LRRIQ1: variants seen among roughly 807,000 people sequenced by gnomAD.
LRRIQ1 encodes leucine rich repeats and IQ motif containing 1, also known as leucine-rich repeat- and IQ domain-containing protein 1.
In LRRIQ1, 210 loss-of-function variants were observed where a neutral mutation model predicts 211.9. The observed-to-expected ratio is 0.99, with a 90% CI of 0.89 to 1.11. LRRIQ1 has a LOEUF of 1.11. Among genes scored for constraint, LRRIQ1 ranks in the 50% most tolerant of loss-of-function variants. The pLI, the probability that LRRIQ1 is intolerant of heterozygous loss-of-function variation, is 0.00. For synonymous variants in LRRIQ1, 699 were observed against 650.1 expected (o/e 1.08, Z -1.14); for missense variants, 2,136 against 1,939.5 (o/e 1.10, Z -1.90).
intron 26 of LRRIQ1, among the ~76,000 whole-genome samples, chr12:85,234,270 C>T (rs1301339409): frequency 6.6e-6 from 1 of 151,950 alleles, no homozygotes; most frequent in Non-Finnish European, 1.5e-5. Flanking sequence ...TTAATTTTTC[C>T]ATGTTTAAAA....
intron 24 of LRRIQ1, among the ~76,000 whole-genome samples, chr12:85,165,822 T>C (rs1043234524): frequency 6.6e-6 from 1 of 152,150 alleles, no homozygotes; most frequent in African/African-American, 2.4e-5. Context: ...ATGTTCCACA[T>C]TTTCTTTATC....
chr12:85,058,112 T>C (rs1565795460), intron 8 of LRRIQ1, among the ~76,000 whole-genome samples: 2 of 152,052 alleles, frequency 1.3e-5, no homozygotes, highest in Non-Finnish European at 2.9e-5. Context: ...AAATACGTTA[T>C]TATGGATCTT....
At chr12:85,187,712 G>A (rs949136524) in intron 24 of LRRIQ1, among the ~76,000 whole-genome samples, 1 of 151,792 alleles carries the variant, frequency 6.6e-6, no homozygotes. Context: ...GGGAGGCTGA[G>A]GCAGGAGAAT....
At chr12:85,267,628 C>T (rs975739209), downstream of LRRIQ1, among the ~76,000 whole-genome samples, 1 of 151,988 alleles carries the variant, frequency 6.6e-6, no homozygotes, top group Non-Finnish European at 1.5e-5. Flanking sequence ...AAGGGTGAAT[C>T]TCCTTCTCAT....
At position 85,055,604 on chromosome 12, in the gene LRRIQ1, C is replaced by A; in HGVS notation, c.811C>A (p.Gln271Lys). ...AGAAGAAAGAACAAGATTTAAAGAC[C>A]AACAAGAAAAAGAAAAAAATTCTTT... ...MEEERTRFKD[Q>K]QEKEKNSLLK... is the part of the protein sequence containing the mutation. The change falls in exon 8 of 27, where the codon CAA (glutamine) becomes AAA (lysine). Residue 271 changes from glutamine to lysine, a missense_variant. Physicochemically the swap from Gln to Lys is moderately conservative, Grantham distance 53 (BLOSUM62 1). Coordinates refer to ENST00000393217, the MANE Select transcript of LRRIQ1 (RefSeq NM_001079910.2). 1 of 1,564,678 alleles carries A rather than the reference C, an allele frequency of 6.4e-7. No individual in the cohort carries two copies. Among genetic ancestry groups the A allele is most frequent in the Non-Finnish European group, 8.6e-7 (1 of 1,163,744 alleles).
chr12:85,176,924 A>G lies in LRRIQ1; in HGVS notation c.4822+16210A>G, dbSNP rs1292566874. Among the ~76,000 whole-genome samples, 11 of 151,680 alleles carry G rather than the reference A, an allele frequency of 7.3e-5. No homozygotes were observed. In the East Asian group the frequency reaches 1.4e-3, roughly 19 times the overall value. On this transcript the variant is annotated intron_variant, in intron 24 of 26. Transcript: ENST00000393217. ...TTGGATGAGTCTTACATTTCTTTCTATTTTTGCTATCTATACAGCAGTGGC... is the reference window on the plus strand; with the variant it reads ...TTGGATGAGTCTTACATTTCTTTCTGTTTTTGCTATCTATACAGCAGTGGC...
At chr12:85,092,234 G>T (rs188178744) in intron 11 of LRRIQ1, among the ~76,000 whole-genome samples, 3 of 152,184 alleles carry the variant, frequency 2.0e-5, no homozygotes, top group African/African-American at 7.2e-5. Flanking sequence ...TGCATTTGGT[G>T]GCAGGCTTTA....
rs1299394720 is a variant in LRRIQ1 at position 85,153,530 on chromosome 12, C to T, written c.4542-133C>T. Reference sequence around the variant, plus strand: ...TTAAATTAATGGCAGACTTTTATTGCCTTTCAAGATAATGTTTTTTGCTAA... The same window carrying T: ...TTAAATTAATGGCAGACTTTTATTGTCTTTCAAGATAATGTTTTTTGCTAA... On this transcript the variant is annotated intron_variant, in intron 21 of 26. Transcript: ENST00000393217. 1.2e-5 allele frequency: 8 copies of T among 646,028 alleles called. 1 individual carries two copies. Among genetic ancestry groups the T allele is most frequent in the Middle Eastern group, 4.2e-4 (1 of 2,358 alleles). 40.0% of individuals were successfully genotyped at this position (646,028 alleles called of 1,614,324 possible).
At chr12:85,096,874 G>C (rs11116705) in intron 11 of LRRIQ1, among the ~76,000 whole-genome samples, 5 of 152,132 alleles carry the variant, frequency 3.3e-5, no homozygotes, top group African/African-American at 1.2e-4. Context: ...GGGTAATTAT[G>C]TCATCTTGTT....
chr12:85,103,184 AT>A (rs1288571926), intron 13 of LRRIQ1, among the ~76,000 whole-genome samples: 1 of 150,502 alleles, frequency 6.6e-6, no homozygotes, highest in Non-Finnish European at 1.5e-5. Context: ...TAATATCACT[AT>A]TTTTGTTTGA....
intron 24 of LRRIQ1, among the ~76,000 whole-genome samples, chr12:85,188,449 T>G (rs1469459548): frequency 1.3e-5 from 2 of 152,144 alleles, no homozygotes; most frequent in African/African-American, 4.8e-5. Context: ...AACCAGGTGA[T>G]AGGTGGCAAA....
At chr12:85,238,237 T>G (rs1193190653) in intron 26 of LRRIQ1, among the ~76,000 whole-genome samples, 1 of 151,590 alleles carries the variant, frequency 6.6e-6, no homozygotes, top group African/African-American at 2.4e-5. Context: ...AAAAAATAAC[T>G]TAAAAAAAAT....
chr12:85,186,338 C>G (rs1892228353), intron 24 of LRRIQ1, among the ~76,000 whole-genome samples: 1 of 152,114 alleles, frequency 6.6e-6, no homozygotes, highest in African/African-American at 2.4e-5. Context: ...CTATTTAACA[C>G]AATTATTTGC....
chr12:85,193,974 G>A (rs1319600645), intron 24 of LRRIQ1, among the ~76,000 whole-genome samples: 1 of 145,786 alleles, frequency 6.9e-6, no homozygotes, highest in Non-Finnish European at 1.5e-5. Context: ...AAGGATGGAG[G>A]AAGATCTACC....
At chr12:85,140,361 T>C (rs1565863796) in intron 19 of LRRIQ1, among the ~76,000 whole-genome samples, 1 of 149,802 alleles carries the variant, frequency 6.7e-6, no homozygotes, top group South Asian at 2.1e-4. Flanking sequence ...CATGGAGATT[T>C]TGTTCGTAGT....
intron 14 of LRRIQ1, among the ~76,000 whole-genome samples, chr12:85,106,226 C>G (rs1055020354): frequency 1.6e-4 from 24 of 152,146 alleles, no homozygotes; most frequent in African/African-American, 5.8e-4. Flanking sequence ...ACAAACTATT[C>G]TAAGTCTTTT....
intron 11 of LRRIQ1, among the ~76,000 whole-genome samples, chr12:85,091,867 G>A (rs1885429715): frequency 6.6e-6 from 1 of 152,088 alleles, no homozygotes; most frequent in African/African-American, 2.4e-5. Flanking sequence ...CCAGGTTATG[G>A]ACCAGTAGCG....
the LRRIQ1 span, among the ~76,000 whole-genome samples, chr12:85,270,530 A>G: frequency 6.6e-6 from 1 of 152,108 alleles, no homozygotes; most frequent in Non-Finnish European, 1.5e-5. Flanking sequence ...TCTAACAATC[A>G]TAATTATATA....
chr12:85,128,721 A>C (rs1888552662), intron 18 of LRRIQ1, among the ~76,000 whole-genome samples: 1 of 152,188 alleles, frequency 6.6e-6, no homozygotes, highest in African/African-American at 2.4e-5. Context: ...AAATCTACCA[A>C]AATAATTGTT....
Sources: gnomAD v4.1 joint callset for allele counts (sites outside exome capture counted in the v4.1 genomes callset) on GRCh38, gnomAD v4.1.1 for gene constraint, MANE v1.5 for transcripts, NCBI Gene and HGNC (gene_info 2026-07-23, HGNC 2026-07-21) for gene names.